Variants in PDZD2 observed in about 807,000 individuals in gnomAD.
PDZD2 encodes the protein PDZ domain-containing protein 2.
Under a neutral mutation model 220.7 loss-of-function variants are expected in PDZD2, and 90 were observed. That is an observed-to-expected ratio of 0.41 (90% CI 0.34 to 0.49). The LOEUF (loss-of-function observed/expected upper bound fraction) is 0.49, where lower values mean the gene tolerates loss of function less well. PDZD2 is among the 20% of genes least tolerant of loss of function. PDZD2 has a pLI of 0.28. For missense variants in PDZD2, 3,174 were observed against 3,608.5 expected (o/e 0.88, Z 3.08); for synonymous variants, 1,375 against 1,450.5 (o/e 0.95, Z 1.18).
At chr5:32,008,875 CGT>C (rs1320217135) in intron 5 of PDZD2, among the ~76,000 whole-genome samples, 1 of 152,110 alleles carries the variant, frequency 6.6e-6, no homozygotes, top group African/African-American at 2.4e-5. Flanking sequence ...GCCTTGCCCG[CGT>C]GGGCCTCAGT....
At chr5:32,002,258 G>A (rs748435057) in intron 5 of PDZD2, among the ~76,000 whole-genome samples, 2 of 152,070 alleles carry the variant, frequency 1.3e-5, no homozygotes, top group East Asian at 1.9e-4. Flanking sequence ...AAGAGGGGGC[G>A]TCTGAGTCCC....
chr5:31,975,962 C>T (rs1749731270), intron 2 of PDZD2, among the ~76,000 whole-genome samples: 1 of 151,788 alleles, frequency 6.6e-6, no homozygotes, highest in African/African-American at 2.4e-5. Flanking sequence ...CACCACCACA[C>T]CTGTTAATTT....
At chr5:31,911,166 A>T (rs1367204361) in intron 2 of PDZD2, among the ~76,000 whole-genome samples, 1 of 152,254 alleles carries the variant, frequency 6.6e-6, no homozygotes, top group East Asian at 1.9e-4. Context: ...ATGTAAGCCA[A>T]ATCAATTTGT....
At chr5:31,662,715 C>T (rs772921955) in intron 1 of PDZD2, among the ~76,000 whole-genome samples, 6 of 152,162 alleles carry the variant, frequency 3.9e-5, no homozygotes, top group South Asian at 2.1e-4. Flanking sequence ...CTGCATGCTC[C>T]GCCTCCCAGG....
rs146362572 is a variant in PDZD2, at chr5:32,007,561, A to G, written c.1255-2769A>G. Among the ~76,000 whole-genome samples the G allele has an allele frequency of 2.6e-5, 4 of 152,326 alleles. No individual in the cohort carries two copies. The East Asian group carries it at 7.7e-4, about 29-fold the overall frequency. On this transcript the variant is annotated intron_variant, in intron 5 of 24. Coordinates refer to ENST00000438447, the MANE Select transcript of PDZD2 (RefSeq NM_178140.4). ...ACTTTGAAGGTGGAACCAACGTGAA[A>G]CTAGTAACAAACATCACTGTCGCTA... is the stretch of plus-strand genomic sequence containing the variant.
intron 2 of PDZD2, among the ~76,000 whole-genome samples, chr5:31,877,561 C>T (rs962630642): frequency 2.0e-5 from 3 of 152,124 alleles, no homozygotes; most frequent in Non-Finnish European, 2.9e-5. Context: ...TTTTAAAATG[C>T]TGTACTTTGT....
At chr5:31,754,312 C>T (rs1751183378) in intron 1 of PDZD2, 1 of 152,240 alleles carries the variant, frequency 6.6e-6, no homozygotes, top group Non-Finnish European at 1.5e-5. Context: ...CAGATGCCCC[C>T]CTGTAGCCAT....
chr5:31,742,680 A>C (rs2150168225), intron 1 of PDZD2, among the ~76,000 whole-genome samples: 1 of 152,134 alleles, frequency 6.6e-6, no homozygotes, highest in African/African-American at 2.4e-5. Flanking sequence ...AACCTAGTAA[A>C]CTTGCAGAGC....
intron 2 of PDZD2, among the ~76,000 whole-genome samples, chr5:31,856,927 TA>T (rs1758501672): frequency 6.6e-6 from 1 of 150,418 alleles, no homozygotes; most frequent in African/African-American, 2.4e-5. Context: ...TATATATATA[TA>T]TATATATAAC....
chr5:31,820,312 G>A (rs1264812217), intron 2 of PDZD2, among the ~76,000 whole-genome samples: 1 of 152,150 alleles, frequency 6.6e-6, no homozygotes, highest in Admixed American at 6.6e-5. Flanking sequence ...GCATGCTGAG[G>A]TCACATGACT....
At chr5:31,714,044 T>G (rs551036939) in intron 1 of PDZD2, among the ~76,000 whole-genome samples, 1 of 152,348 alleles carries the variant, frequency 6.6e-6, no homozygotes, top group Non-Finnish European at 1.5e-5. Context: ...TGATACTCAG[T>G]AAGTACACTG....
intron 1 of PDZD2, among the ~76,000 whole-genome samples, chr5:31,753,845 G>A (rs911076741): frequency 1.3e-5 from 2 of 152,186 alleles, no homozygotes; most frequent in Non-Finnish European, 2.9e-5. Flanking sequence ...CGCTGAGGAA[G>A]ATAAATAAAC....
At chr5:31,795,761 C>T (rs539347603) in intron 1 of PDZD2, among the ~76,000 whole-genome samples, 1 of 152,200 alleles carries the variant, frequency 6.6e-6, no homozygotes, top group East Asian at 1.9e-4. Context: ...CTCAAATCAT[C>T]GCGAGTGGAT....
chr5:31,976,929 G>T (rs1386041852), intron 2 of PDZD2, among the ~76,000 whole-genome samples: 2 of 151,502 alleles, frequency 1.3e-5, no homozygotes, highest in African/African-American at 4.9e-5. Context: ...CGTTGGTCAG[G>T]CTGGTCTCGA....
At position 31,921,689 on chromosome 5, in the gene PDZD2, C is replaced by CA. The variant is rs576934083; in HGVS notation, c.477-61456dup. ...TGGGTGACAGAGTGAGACCCCATCT[C>CA]AAAAAAAAAATTTTTTTTTTGAAGC... is the stretch of plus-strand genomic sequence containing the variant. On this transcript the variant is annotated intron_variant, in intron 2 of 24. Transcript: ENST00000438447. Among the ~76,000 whole-genome samples, 58 of 150,478 alleles carry CA rather than the reference C, an allele frequency of 3.9e-4. 1 individual carries two copies. The highest frequency in any genetic ancestry group is 3.2e-3 in the Admixed American group (48 of 15,058).
intron 1 of PDZD2, among the ~76,000 whole-genome samples, chr5:31,712,293 G>GT (rs886977146): frequency 2.2e-4 from 34 of 152,258 alleles, no homozygotes; most frequent in African/African-American, 7.7e-4. Context: ...GGAGAATTTG[G>GT]TGGGGCAGTT....
chr5:31,700,596 G>A (rs1188658980), intron 1 of PDZD2, among the ~76,000 whole-genome samples: 1 of 152,194 alleles, frequency 6.6e-6, no homozygotes, highest in Non-Finnish European at 1.5e-5. Context: ...CAACATCCCT[G>A]TGAAAGAAAG....
At chr5:31,640,218 T>A (rs1427401145) in intron 1 of PDZD2, among the ~76,000 whole-genome samples, 3 of 152,082 alleles carry the variant, frequency 2.0e-5, no homozygotes, top group Non-Finnish European at 1.5e-5. Context: ...CTGGCAGGAG[T>A]TTGCCAGAAG....
intron 24 of PDZD2, chr5:32,106,343 T>G (rs1744760720): frequency 6.6e-6 from 1 of 152,304 alleles, no homozygotes; most frequent in South Asian, 2.1e-4. Flanking sequence ...GGTGGTAGTG[T>G]GAGTGACGGT....
Sources: allele counts gnomAD v4.1 joint callset (sites outside exome capture counted in the v4.1 genomes callset), GRCh38; gene constraint gnomAD v4.1.1; transcripts MANE v1.5; gene names NCBI Gene and HGNC (gene_info 2026-07-23, HGNC 2026-07-21).